HELT: variants seen among roughly 807,000 people sequenced by gnomAD.
The protein encoded by HELT is hairy and enhancer of split-related protein HELT.
In HELT, 9 loss-of-function variants were observed where a neutral mutation model predicts 19.5. The ratio of observed to expected loss-of-function variants is 0.46; its 90% CI spans 0.28 to 0.80. The LOEUF (loss-of-function observed/expected upper bound fraction) is 0.80, where lower values mean the gene tolerates loss of function less well. Ranked by LOEUF, HELT falls within the 30% of genes least tolerant of loss-of-function variation. The pLI is 0.12. For missense variants in HELT, 366 were observed against 326.3 expected (o/e 1.12, Z -0.94); for synonymous variants, 162 against 148.3 (o/e 1.09, Z -0.67).
Position 185,019,789 on chromosome 4 carries a change from G to C in HELT, c.175G>C (p.Val59Leu). Residue 59 changes from valine to leucine, a missense_variant, in exon 3 of 4, where the codon GTT (valine) becomes CTT (leucine). Physicochemically the swap from Val to Leu is conservative, Grantham distance 32 (BLOSUM62 1). Transcript: ENST00000515777. ...GAAGGCGGAGATCCTCGAGATGACC[G>C]TTCAGTACCTGAGAGCACTGCACTC... is the stretch of plus-strand genomic sequence containing the variant. ...LEKAEILEMT[V>L]QYLRALHSAD... is the part of the protein sequence containing the mutation. The C allele has an allele frequency of 6.2e-7, 1 of 1,613,836 alleles. No homozygotes were observed. Among genetic ancestry groups the C allele is most frequent in the Non-Finnish European group, 8.5e-7 (1 of 1,180,024 alleles).
At position 185,019,268 on chromosome 4, in the gene HELT, T is replaced by A. The variant is rs1319929327; in HGVS notation, c.28-119T>A. Reference sequence around the variant, plus strand: ...GCGTGGCGGGCCAGGAGTCCCTTCCTAGAGCGAATCTGAGCAGTGTGCGCG... The same window carrying A: ...GCGTGGCGGGCCAGGAGTCCCTTCCAAGAGCGAATCTGAGCAGTGTGCGCG... On this transcript the variant is annotated intron_variant, in intron 1 of 3. Coordinates refer to ENST00000515777, the MANE Select transcript of HELT (RefSeq NM_001300781.2). The A allele has an allele frequency of 1.9e-5, 21 of 1,129,278 alleles. No homozygotes were observed. The East Asian group carries it at 3.6e-4, about 19-fold the overall frequency. 70.0% of individuals were successfully genotyped at this position (1,129,278 alleles called of 1,614,324 possible). A position where few individuals can be genotyped will look rare whatever the true frequency, so the allele number is the denominator to read the frequency against.
At chr4:185,020,167 C>T in intron 3 of HELT, 106 bp from the exon 4 acceptor site, 1 of 1,503,802 alleles carries the variant, frequency 6.6e-7, no homozygotes, top group Non-Finnish European at 9.0e-7. Context: ...CAAATGGGAA[C>T]TTTGGCCAGA....
intron 3 of HELT, among the ~76,000 whole-genome samples, chr4:185,020,063 C>T (rs1554037975): frequency 3.5e-5 from 1 of 28,424 alleles, no homozygotes; most frequent in Non-Finnish European, 7.4e-5. Flanking sequence ...CTCCTTCTCC[C>T]GGGTGGGGTG....
At chr4:185,019,200 C>A (rs1036845601) in intron 1 of HELT, 187 bp from the exon 2 acceptor site, 2 of 1,361,514 alleles carry the variant, frequency 1.5e-6, no homozygotes, top group Admixed American at 2.6e-5. Context: ...GGAAGGGGAG[C>A]GCGCCAGCGC....
At position 185,019,848 on chromosome 4, in the gene HELT, G is replaced by A. The variant is rs1351153298; in HGVS notation, c.229+5G>A. The A allele has an allele frequency of 1.9e-6, 3 of 1,612,034 alleles. No individual in the cohort carries two copies. Among genetic ancestry groups the A allele is most frequent in the Non-Finnish European group, 1.7e-6 (2 of 1,179,180 alleles). ...TTCCCCGGGGAAGGGAAAAAGGTGG[G>A]CACAGGTTAGGGAATGGGACGCCTG... is the stretch of plus-strand genomic sequence containing the variant. On this transcript the variant is annotated splice_donor_5th_base_variant and intron_variant, in intron 3 of 3. Transcript: ENST00000515777.
In HELT at chr4:185,020,160, A is replaced by C; in HGVS notation, c.230-113A>C. On this transcript the variant is annotated intron_variant, in intron 3 of 3. Transcript: ENST00000515777. ...GCGCAGAGGAGAGGGCGGGCCTCAA[A>C]TGGGAACTTTGGCCAGAAAATGTGG... is the stretch of plus-strand genomic sequence containing the variant. The C allele has an allele frequency of 2.0e-6, 3 of 1,469,280 alleles. No homozygotes were observed. In the South Asian group the frequency reaches 3.9e-5, roughly 19 times the overall value. 91.0% of individuals were successfully genotyped at this position (1,469,280 alleles called of 1,614,324 possible).
At position 185,020,261 on chromosome 4, in the gene HELT, T is replaced by A. The variant is rs754788288; in HGVS notation, c.230-12T>A. 1 of 1,609,506 alleles carries A rather than the reference T, an allele frequency of 6.2e-7. No individual in the cohort carries two copies. The highest frequency in any genetic ancestry group is 1.3e-5 in the African/African-American group (1 of 74,890). ...GGGTGTGTCCGTCCTACGGGCTTTC[T>A]CGTTCCTCCAGCAGAACTTCTAGCG... On this transcript the variant is annotated splice_polypyrimidine_tract_variant and intron_variant, in intron 3 of 3. Coordinates refer to ENST00000515777, the MANE Select transcript of HELT (RefSeq NM_001300781.2).
In HELT at chr4:185,020,338, G is replaced by C. The variant is rs749922817; in HGVS notation, c.295G>C (p.Val99Leu). ...YGYHECMKNLVHYLTTVERME... is the reference protein window; with the variant it reads ...YGYHECMKNLLHYLTTVERME... ...CTACCACGAGTGCATGAAGAACCTG[G>C]TGCATTACCTCACCACGGTGGAGCG... The change falls in exon 4 of 4, where the codon GTG (valine) becomes CTG (leucine). Residue 99 changes from valine (V) to leucine (L), a missense_variant. Val to Leu is a conservative substitution (Grantham distance 32). Transcript: ENST00000515777. 6.2e-7 allele frequency: 1 copy of C among 1,614,218 alleles called. No individual in the cohort carries two copies. The highest frequency in any genetic ancestry group is 8.5e-7 in the Non-Finnish European group (1 of 1,180,034).
rs565407648 is a variant in HELT at position 185,020,603 on chromosome 4, C to T, written c.560C>T (p.Ala187Val). Reference protein sequence around the residue: ...PWPPGAARSPALPYLPSAPVP... With the variant: ...PWPPGAARSPVLPYLPSAPVP... ...CCGCCTGGCGCGGCCCGCAGCCCCGCGCTGCCCTACCTGCCCAGCGCGCCA... is the reference window on the plus strand; with the variant it reads ...CCGCCTGGCGCGGCCCGCAGCCCCGTGCTGCCCTACCTGCCCAGCGCGCCA... The change falls in exon 4 of 4, where the codon GCG becomes GTG. Residue 187 changes from alanine to valine, a missense_variant. Physicochemically the swap from Ala to Val is moderately conservative, Grantham distance 64 (BLOSUM62 0). Transcript: ENST00000515777. The T allele has an allele frequency of 1.9e-6, 3 of 1,596,870 alleles. No individual in the cohort carries two copies. The highest frequency in any genetic ancestry group is 2.6e-6 in the Non-Finnish European group (3 of 1,176,214).
rs1465278261 is a variant in HELT, at chr4:185,020,553, C to T, written c.510C>T (p.Gly170=). ...SPGEAAVFPQ[G]SGAGPFPWPP... ...GCGAGGCCGCTGTGTTCCCGCAGGG[C>T]TCTGGTGCCGGGCCTTTCCCCTGGC... Residue 170 remains glycine, a synonymous_variant, in exon 4 of 4, where the codon GGC becomes GGT. Transcript: ENST00000515777. 1 of 1,604,198 alleles carries T rather than the reference C, an allele frequency of 6.2e-7. No homozygotes were observed. The highest frequency in any genetic ancestry group is 1.1e-5 in the South Asian group (1 of 90,834).
Position 185,020,782 on chromosome 4 carries a change from G to T in HELT, c.*10G>T, listed in dbSNP as rs930095695. ...CCCCCCGGTGCTCTGACGCCCACTC[G>T]CCCGCCAGATTTCTCCTCGCTTTGG... is the stretch of plus-strand genomic sequence containing the variant. On this transcript the variant is annotated 3_prime_UTR_variant, in exon 4 of 4. Transcript: ENST00000515777. The T allele has an allele frequency of 3.3e-6, 5 of 1,507,898 alleles. No homozygotes were observed. Among genetic ancestry groups the T allele is most frequent in the Non-Finnish European group, 4.4e-6 (5 of 1,136,444 alleles). 93.4% of individuals were successfully genotyped at this position (1,507,898 alleles called of 1,614,324 possible).
rs1413555688 is a variant in HELT, at chr4:185,020,719, G to A, written c.676G>A (p.Ala226Thr). Residue 226 changes from alanine to threonine, a missense_variant, in exon 4 of 4, where the codon GCG becomes ACG. Ala to Thr is a moderately conservative substitution (Grantham distance 58, BLOSUM62 0). Transcript: ENST00000515777. ...GCATTACCTCAACCTGATCGGCCAC[G>A]CGCACCCCAACGCCCTTAACCTGCA... Reference protein sequence around the residue: ...DRHYLNLIGHAHPNALNLHTP... With the variant: ...DRHYLNLIGHTHPNALNLHTP... 1 of 1,593,496 alleles carries A rather than the reference G, an allele frequency of 6.3e-7. No individual in the cohort carries two copies. The highest frequency in any genetic ancestry group is 1.1e-5 in the South Asian group (1 of 88,926).
intron 1 of HELT, 45 bp from the exon 2 acceptor site, chr4:185,019,342 C>T (rs1269888230): frequency 5.3e-6 from 8 of 1,516,578 alleles, no homozygotes; most frequent in Admixed American, 3.7e-5. Flanking sequence ...CCTTTGACGA[C>T]TTCCCGGGCA....
At position 185,020,363 on chromosome 4, in the gene HELT, G is replaced by T; in HGVS notation, c.320G>T (p.Arg107Leu). The T allele has an allele frequency of 6.2e-7, 1 of 1,614,230 alleles. No homozygotes were observed. The highest frequency in any genetic ancestry group is 8.5e-7 in the Non-Finnish European group (1 of 1,180,046). Residue 107 changes from arginine (R) to leucine (L), a missense_variant, in exon 4 of 4, where the codon CGG (arginine) becomes CTG (leucine). By Grantham distance (102) the Arg-to-Leu change is moderately radical. Coordinates refer to ENST00000515777, the MANE Select transcript of HELT (RefSeq NM_001300781.2). Reference sequence around the variant, plus strand: ...GTGCATTACCTCACCACGGTGGAGCGGATGGAGACCAAGGACACGAAGTAC... The same window carrying T: ...GTGCATTACCTCACCACGGTGGAGCTGATGGAGACCAAGGACACGAAGTAC... ...NLVHYLTTVE[R>L]METKDTKYAR...
intron 3 of HELT, 83 bp downstream of exon 3, chr4:185,019,926 A>C (rs1424629396): frequency 4.0e-6 from 5 of 1,240,092 alleles, no homozygotes; most frequent in Non-Finnish European, 5.7e-6. Flanking sequence ...GGAGTGACTG[A>C]GTGTTCCCGA....
At chr4:185,020,195 C>T in intron 3 of HELT, 78 bp from the exon 4 acceptor site, 3 of 1,557,632 alleles carry the variant, frequency 1.9e-6, no homozygotes, top group African/African-American at 1.4e-5. Context: ...GTGGGAGGTG[C>T]CCTGCACCCG....
chr4:185,019,098 G>T (rs777896540), intron 1 of HELT, 143 bp downstream of exon 1: 3 of 1,604,744 alleles, frequency 1.9e-6, no homozygotes, highest in Non-Finnish European at 2.6e-6. Flanking sequence ...GTTTGGGAAG[G>T]GGGTGGGGTA....
intron 2 of HELT, 126 bp downstream of exon 2, chr4:185,019,617 A>C: frequency 6.3e-7 from 1 of 1,590,464 alleles, no homozygotes; most frequent in South Asian, 1.1e-5. Flanking sequence ...GGGGGGCCTG[A>C]GCGCAGGGCG....
Position 185,020,683 on chromosome 4 carries a change from G to C in HELT, c.640G>C (p.Gly214Arg). 1.2e-6 allele frequency: 2 copies of C among 1,603,956 alleles called. No homozygotes were observed. Among genetic ancestry groups the C allele is most frequent in the Non-Finnish European group, 1.7e-6 (2 of 1,179,166 alleles). The change falls in exon 4 of 4, where the codon GGC becomes CGC. Residue 214 changes from glycine (G) to arginine (R), a missense_variant. Coordinates refer to ENST00000515777, the MANE Select transcript of HELT (RefSeq NM_001300781.2). Reference protein sequence around the residue: ...QHSPFLTPVQGLDRHYLNLIG... With the variant: ...QHSPFLTPVQRLDRHYLNLIG... ...CAGCCCCTTCCTGACACCGGTGCAG[G>C]GCCTGGACCGGCATTACCTCAACCT...
Sources: allele counts gnomAD v4.1 joint callset (sites outside exome capture counted in the v4.1 genomes callset), GRCh38; gene constraint gnomAD v4.1.1; transcripts MANE v1.5; gene names NCBI Gene and HGNC (gene_info 2026-07-23, HGNC 2026-07-21).